Variants in YJU2B observed in about 807,000 individuals in gnomAD.
The protein encoded by YJU2B is probable splicing factor YJU2B.
YJU2B carries 18 observed loss-of-function variants against 38.0 expected under a neutral mutation model. The ratio of observed to expected loss-of-function variants is 0.47; its 90% CI spans 0.33 to 0.70. The LOEUF is 0.70. YJU2B is among the 30% of genes least tolerant of loss of function. The pLI is 0.02. For missense variants in YJU2B, 538 were observed against 556.3 expected (o/e 0.97, Z 0.33); for synonymous variants, 246 against 225.4 (o/e 1.09, Z -0.82).
chr19:13,740,188 C>G (rs1459281765), intron 2 of YJU2B, among the ~76,000 whole-genome samples: 1 of 152,156 alleles, frequency 6.6e-6, no homozygotes, highest in Non-Finnish European at 1.5e-5. Flanking sequence ...CCATCACTCT[C>G]AGCAAACTAA....
At chr19:13,736,643 TA>T (rs1972955883) in intron 2 of YJU2B, among the ~76,000 whole-genome samples, 1 of 152,216 alleles carries the variant, frequency 6.6e-6, no homozygotes. Context: ...TCATTCAGTG[TA>T]TTTACTGAGT....
chr19:13,749,184 A>T (rs1973360846), intron 1 of YJU2B, among the ~76,000 whole-genome samples: 1 of 152,106 alleles, frequency 6.6e-6, no homozygotes, highest in Admixed American at 6.5e-5. Flanking sequence ...TTGTATTTTT[A>T]GTAGAGACAG....
rs758331113 is a variant in YJU2B at position 13,763,224 on chromosome 19, T to C, written c.*156T>C. 5.4e-5 allele frequency: 32 copies of C among 592,458 alleles called. No individual in the cohort carries two copies. In the African/African-American group the frequency reaches 5.6e-4, roughly 10 times the overall value. 36.7% of individuals were successfully genotyped at this position (592,458 alleles called of 1,614,324 possible). A position where few individuals can be genotyped will look rare whatever the true frequency, so the allele number is the denominator to read the frequency against. On this transcript the variant is annotated 3_prime_UTR_variant, in exon 10 of 10. Transcript: ENST00000221554. The stretch of plus-strand genomic sequence containing the variant: ...GCGCCTTCCTGCAACCGTGGAGTTA[T>C]TTATTTGGTCCTGGTGAGGGTGTTT...
chr19:13,744,765 G>A (rs1388939304), upstream of YJU2B, among the ~76,000 whole-genome samples: 4 of 152,100 alleles, frequency 2.6e-5, no homozygotes, highest in Admixed American at 6.5e-5. Context: ...AGGCCGAGAC[G>A]GGCGGATCAC....
chr19:13,734,296 G>GT lies in YJU2B; in HGVS notation c.-202+2024dup, dbSNP rs1159563234. 7.4e-3 allele frequency among the ~76,000 whole-genome samples: 1,054 copies of GT among 142,966 alleles called. 3 individuals carry two copies. Among genetic ancestry groups the GT allele is most frequent in the African/African-American group, 0.013 (526 of 39,468 alleles). 93.8% of individuals were successfully genotyped at this position (142,966 alleles called of 152,430 possible). ...TATTAATTCTCTCACTGTAGAGATTGTTTTTTTTTTTTTGAGATGGAGTCT... is the reference window on the plus strand; with the variant it reads ...TATTAATTCTCTCACTGTAGAGATTGTTTTTTTTTTTTTTGAGATGGAGTCT... On this transcript the variant is annotated intron_variant, in intron 2 of 10. Coordinates refer to the YJU2B transcript ENST00000586600.
chr19:13,754,206 A>G, intron 2 of YJU2B, 83 bp from the exon 3 acceptor site: 1 of 1,117,704 alleles, frequency 8.9e-7, no homozygotes, highest in Non-Finnish European at 1.4e-6. Flanking sequence ...ATCAGAAAAA[A>G]TTTTTTTGAA....
Position 13,763,263 on chromosome 19 carries a change from C to CTCCGTACATTAAAG in YJU2B, c.*196_*209dup, listed in dbSNP as rs1034549742. 1.5e-5 allele frequency: 8 copies of CTCCGTACATTAAAG among 541,156 alleles called. No individual in the cohort carries two copies. The highest frequency in any genetic ancestry group is 1.2e-4 in the African/African-American group (6 of 52,142). The allele number at this position is 541,156 out of a possible 1,614,324, so 33.5% of individuals were successfully genotyped here. A position where few individuals can be genotyped will look rare whatever the true frequency, so the allele number is the denominator to read the frequency against. On this transcript the variant is annotated 3_prime_UTR_variant, in exon 10 of 10. Coordinates refer to ENST00000221554, the MANE Select transcript of YJU2B (RefSeq NM_030818.4). ...GTGAGGGTGTTTGTGCCTTGTGAGA[C>CTCCGTACATTAAAG]TCCGTACATTAAAGACCTGTCTCTT...
chr19:13,733,091 G>A (rs200976377), intron 2 of YJU2B, among the ~76,000 whole-genome samples: 49 of 151,534 alleles, frequency 3.2e-4, no homozygotes, highest in East Asian at 2.2e-3. Flanking sequence ...CACCTCACCC[G>A]GCTAATTTTT....
chr19:13,741,565 G>A (rs1303281791), intron 2 of YJU2B, among the ~76,000 whole-genome samples: 4 of 128,794 alleles, frequency 3.1e-5, no homozygotes, highest in Non-Finnish European at 4.9e-5. Context: ...GGAAGACCTC[G>A]TTTCTACAAA....
chr19:13,736,912 A>T (rs1372409189), intron 2 of YJU2B, among the ~76,000 whole-genome samples: 1 of 151,456 alleles, frequency 6.6e-6, no homozygotes, highest in Non-Finnish European at 1.5e-5. Flanking sequence ...CTGTGATCCT[A>T]GCTACTCGGG....
chr19:13,760,309 AG>A (rs1408725518), intron 8 of YJU2B, among the ~76,000 whole-genome samples: 1 of 151,996 alleles, frequency 6.6e-6, no homozygotes, highest in East Asian at 1.9e-4. Context: ...GTGTCTGGTG[AG>A]GGCCCATTTC....
chr19:13,754,879 A>G (rs1448445364), intron 3 of YJU2B, among the ~76,000 whole-genome samples: 4 of 152,054 alleles, frequency 2.6e-5, no homozygotes, highest in South Asian at 2.1e-4. Context: ...ATGTTCATCT[A>G]TCTTATTGTG....
In YJU2B at chr19:13,756,299, G is replaced by A. The variant is rs1190107760; in HGVS notation, c.140+20G>A. On this transcript the variant is annotated intron_variant, in intron 4 of 9. Transcript: ENST00000221554. ...CATCCGGTAAGGCCCAGCATCACCT[G>A]AGGACCCCACCGTCCTGCCCCATTC... The A allele has an allele frequency of 1.2e-6, 2 of 1,604,442 alleles. No individual in the cohort carries two copies. Among genetic ancestry groups the A allele is most frequent in the Non-Finnish European group, 8.5e-7 (1 of 1,171,392 alleles).
At position 13,763,043 on chromosome 19, in the gene YJU2B, A is replaced by G; in HGVS notation, c.1166A>G (p.Asp389Gly). Residue 389 changes from aspartate (D) to glycine (G), a missense_variant, in exon 10 of 10, where the codon GAC becomes GGC. This residue lies in a region of YJU2B where 488 missense variants were observed against 469.5 expected (regional missense o/e 1.04). Coordinates refer to ENST00000221554, the MANE Select transcript of YJU2B (RefSeq NM_030818.4). ...PCSLGSSLVADYSDSESE is the reference protein window; with the variant it reads ...PCSLGSSLVAGYSDSESE ...AGTCTCGGCTCCTCCCTCGTGGCGG[A>G]CTACTCCGACTCGGAGAGTGAGTGA... 6.4e-7 allele frequency: 1 copy of G among 1,566,306 alleles called. No individual in the cohort carries two copies. The highest frequency in any genetic ancestry group is 1.8e-5 in the Admixed American group (1 of 54,868).
At chr19:13,752,428 C>G (rs537527231) in intron 2 of YJU2B, among the ~76,000 whole-genome samples, 245 of 151,684 alleles carry the variant, frequency 1.6e-3, no homozygotes, top group Non-Finnish European at 3.0e-3. Flanking sequence ...GCCAACATGG[C>G]GAAACCCTGT....
At chr19:13,748,396 C>G (rs1344969728) in intron 1 of YJU2B, among the ~76,000 whole-genome samples, 1 of 152,000 alleles carries the variant, frequency 6.6e-6, no homozygotes, top group East Asian at 1.9e-4. Context: ...AGAGAGAAAA[C>G]AATTTGCCCC....
In YJU2B at chr19:13,762,429, C is replaced by T; in HGVS notation, c.704C>T (p.Thr235Ile). 3.1e-6 allele frequency: 5 copies of T among 1,612,760 alleles called. No individual in the cohort carries two copies. The highest frequency in any genetic ancestry group is 4.2e-6 in the Non-Finnish European group (5 of 1,179,918). Residue 235 changes from threonine (T) to isoleucine (I), a missense_variant, in exon 9 of 10, where the codon ACC becomes ATC. By Grantham distance (89) the Thr-to-Ile change is moderately conservative (BLOSUM62 -1). Coordinates refer to ENST00000221554, the MANE Select transcript of YJU2B (RefSeq NM_030818.4). ...RKLAALLKFHTLDSYEDKQKL... is the reference protein window; with the variant it reads ...RKLAALLKFHILDSYEDKQKL... ...CTGGCGGCTCTGCTGAAGTTCCACA[C>T]CCTGGACTGTGCGTAGGAGGCCAGG...
Position 13,757,819 on chromosome 19 carries a change from G to A in YJU2B, c.230G>A (p.Gly77Asp), listed in dbSNP as rs1427775408. Residue 77 changes from glycine (G) to aspartate (D), a missense_variant, in exon 6 of 10, where the codon GGC (glycine) becomes GAC (aspartate). Gly to Asp is a moderately conservative substitution (Grantham distance 94, BLOSUM62 -1). This residue lies in a region of YJU2B where 488 missense variants were observed against 469.5 expected (regional missense o/e 1.04). Coordinates refer to ENST00000221554, the MANE Select transcript of YJU2B (RefSeq NM_030818.4). ...TACAATGCAGAAAAGAAGAAGGTGG[G>A]CAATTACTACACAACCCCGATCTAC... Reference protein sequence around the residue: ...VRYNAEKKKVGNYYTTPIYRF... With the variant: ...VRYNAEKKKVDNYYTTPIYRF... The A allele has an allele frequency of 6.2e-7, 1 of 1,614,026 alleles. No homozygotes were observed. Among genetic ancestry groups the A allele is most frequent in the Non-Finnish European group, 8.5e-7 (1 of 1,179,974 alleles).
upstream of YJU2B, among the ~76,000 whole-genome samples, chr19:13,745,692 T>TAGATAGAG (rs57681294): frequency 8.6e-5 from 8 of 93,298 alleles, no homozygotes; most frequent in Admixed American, 5.6e-4. Flanking sequence ...GATAGATAGA[T>TAGATAGAG]ATAGATATAT....
Sources: gnomAD v4.1 joint callset for allele counts (sites outside exome capture counted in the v4.1 genomes callset) on GRCh38, gnomAD v4.1.1 for gene constraint, gnomAD v4.1.1 regional missense constraint, MANE v1.5 for transcripts, NCBI Gene and HGNC (gene_info 2026-07-23, HGNC 2026-07-21) for gene names.